The following CTNND2 variants were observed in gnomAD, a reference collection of about 807,000 sequenced individuals.
CTNND2 encodes the protein catenin delta-2.
CTNND2 carries 22 observed loss-of-function variants against 144.4 expected under a neutral mutation model. The ratio of observed to expected loss-of-function variants is 0.15; its 90% CI spans 0.11 to 0.22. The LOEUF (loss-of-function observed/expected upper bound fraction) is 0.22, where lower values mean the gene tolerates loss of function less well. Among genes scored for constraint, CTNND2 ranks in the 10% least tolerant of loss-of-function variants. CTNND2 has a pLI of 1.00. For missense variants in CTNND2, 1,353 were observed against 1,618.8 expected (o/e 0.84, Z 2.82); for synonymous variants, 751 against 695.6 (o/e 1.08, Z -1.25).
chr5:11,170,354 G>A (rs1427417110), intron 11 of CTNND2, among the ~76,000 whole-genome samples: 1 of 152,160 alleles, frequency 6.6e-6, no homozygotes, highest in Admixed American at 6.5e-5. Context: ...AGGCATTTGA[G>A]TTCACAGAAG....
At chr5:11,003,395 C>A (rs564912233) in intron 18 of CTNND2, among the ~76,000 whole-genome samples, 1 of 152,254 alleles carries the variant, frequency 6.6e-6, no homozygotes, top group South Asian at 2.1e-4. Context: ...CATTAATGCT[C>A]ACGTATCAGA....
At chr5:11,110,121 G>A (rs940440680) in intron 14 of CTNND2, among the ~76,000 whole-genome samples, 4 of 152,158 alleles carry the variant, frequency 2.6e-5, no homozygotes, top group Admixed American at 6.5e-5. Context: ...GGGGCCTGTG[G>A]TGAGGGGTTT....
intron 9 of CTNND2, among the ~76,000 whole-genome samples, chr5:11,336,385 A>C (rs1316780189): frequency 5.3e-5 from 8 of 152,200 alleles, no homozygotes; most frequent in Admixed American, 5.2e-4. Flanking sequence ...ACATAAACAC[A>C]CAACCAGAAT....
At chr5:11,120,297 A>C (rs1753960145) in intron 12 of CTNND2, among the ~76,000 whole-genome samples, 1 of 149,314 alleles carries the variant, frequency 6.7e-6, no homozygotes, top group Non-Finnish European at 1.5e-5. Flanking sequence ...TATAGACTTC[A>C]AGAGGGGGTT....
intron 1 of CTNND2, among the ~76,000 whole-genome samples, chr5:11,803,328 A>C (rs201805745): frequency 9.1e-5 from 3 of 32,846 alleles, no homozygotes. Context: ...CAAAAAAAAA[A>C]GAAAAAAAAA....
intron 1 of CTNND2, among the ~76,000 whole-genome samples, chr5:11,755,682 T>C (rs1788894069): frequency 6.6e-6 from 1 of 150,472 alleles, no homozygotes; most frequent in Non-Finnish European, 1.5e-5. Context: ...GCAGAACTGG[T>C]CTTTGAGCTC....
At chr5:11,078,967 T>G (rs1244125381) in intron 16 of CTNND2, among the ~76,000 whole-genome samples, 1 of 152,198 alleles carries the variant, frequency 6.6e-6, no homozygotes, top group Non-Finnish European at 1.5e-5. Context: ...AGACACAGAT[T>G]TGCAGCCTGG....
chr5:10,974,507 T>C (rs1736208849), intron 21 of CTNND2, among the ~76,000 whole-genome samples: 1 of 152,236 alleles, frequency 6.6e-6, no homozygotes, highest in Admixed American at 6.5e-5. Flanking sequence ...AATGTTGCAA[T>C]AAACATTGGT....
intron 1 of CTNND2, among the ~76,000 whole-genome samples, chr5:11,855,279 T>A (rs1466288338): frequency 3.3e-5 from 5 of 152,170 alleles, no homozygotes; most frequent in Non-Finnish European, 7.3e-5. Context: ...TGAGCCAGAC[T>A]CCCCAGGTAT....
intron 1 of CTNND2, among the ~76,000 whole-genome samples, chr5:11,794,963 T>C (rs188413798): frequency 5.8e-4 from 89 of 152,356 alleles, no homozygotes; most frequent in African/African-American, 2.1e-3. Flanking sequence ...TCCCAAACAC[T>C]ACTATATTTG....
At chr5:11,407,102 G>T (rs1218326726) in intron 5 of CTNND2, among the ~76,000 whole-genome samples, 1 of 152,088 alleles carries the variant, frequency 6.6e-6, no homozygotes, top group Non-Finnish European at 1.5e-5. Flanking sequence ...TTCTGAGTTT[G>T]TATATAAAAG....
At chr5:11,469,604 C>G (rs1766979277) in intron 3 of CTNND2, among the ~76,000 whole-genome samples, 1 of 152,176 alleles carries the variant, frequency 6.6e-6, no homozygotes, top group Non-Finnish European at 1.5e-5. Flanking sequence ...TAAGTATTAT[C>G]TGCTCAAGAC....
chr5:11,507,472 G>A (rs1227557463), intron 3 of CTNND2, among the ~76,000 whole-genome samples: 4 of 152,170 alleles, frequency 2.6e-5, no homozygotes, highest in Non-Finnish European at 5.9e-5. Flanking sequence ...TTTGAGTGGG[G>A]AAGGGATTTC....
intron 9 of CTNND2, among the ~76,000 whole-genome samples, chr5:11,337,599 G>A (rs1580946964): frequency 6.6e-6 from 1 of 152,134 alleles, no homozygotes; most frequent in East Asian, 1.9e-4. Context: ...TCAGTAAAAT[G>A]ACAGAGATTA....
chr5:11,694,668 GAAATTCT>G, intron 2 of CTNND2, among the ~76,000 whole-genome samples: 1 of 152,168 alleles, frequency 6.6e-6, no homozygotes. Context: ...TCACAAACAT[GAAATTCT>G]CAAATACTGA....
chr5:11,446,204 C>G (rs1581214374), intron 3 of CTNND2, among the ~76,000 whole-genome samples: 1 of 152,262 alleles, frequency 6.6e-6, no homozygotes, highest in East Asian at 1.9e-4. Context: ...AACTCCTGAC[C>G]TCAAGTGATC....
At chr5:11,344,188 A>AGGTCAG (rs1450150833) in intron 9 of CTNND2, among the ~76,000 whole-genome samples, 1 of 151,750 alleles carries the variant, frequency 6.6e-6, no homozygotes, top group Non-Finnish European at 1.5e-5. Context: ...GTGGATCACG[A>AGGTCAG]GGTCAGGAGA....
intron 11 of CTNND2, among the ~76,000 whole-genome samples, chr5:11,167,007 G>T (rs1051812511): frequency 1.3e-5 from 2 of 152,216 alleles, no homozygotes; most frequent in African/African-American, 2.4e-5. Context: ...CCCAGGGGTT[G>T]GTTGGCCACA....
chr5:11,784,772 C>A (rs993159894), intron 1 of CTNND2, among the ~76,000 whole-genome samples: 1 of 152,200 alleles, frequency 6.6e-6, no homozygotes, highest in African/African-American at 2.4e-5. Flanking sequence ...ATTCTGCCAA[C>A]AATCTGAGAT....
Sources: gnomAD v4.1 joint callset for allele counts (sites outside exome capture counted in the v4.1 genomes callset) on GRCh38, gnomAD v4.1.1 for gene constraint, MANE v1.5 for transcripts, NCBI Gene and HGNC (gene_info 2026-07-23, HGNC 2026-07-21) for gene names.